CTNNA2: variants seen among roughly 807,000 people sequenced by gnomAD.
CTNNA2 encodes the protein catenin alpha-2.
A neutral mutation model predicts 101.0 loss-of-function variants in CTNNA2; 42 were observed. That is an observed-to-expected ratio of 0.42 (90% CI 0.32 to 0.54). CTNNA2 has a LOEUF of 0.54. Among genes scored for constraint, CTNNA2 ranks in the 20% least tolerant of loss-of-function variants. The pLI is 0.14. For missense variants in CTNNA2, 871 were observed against 1,223.1 expected (o/e 0.71, Z 4.29); for synonymous variants, 450 against 456.4 (o/e 0.99, Z 0.18).
chr2:80,102,884 G>T (rs1475391756), intron 7 of CTNNA2, among the ~76,000 whole-genome samples: 1 of 152,144 alleles, frequency 6.6e-6, no homozygotes, highest in Non-Finnish European at 1.5e-5. Flanking sequence ...TCGTGACGTA[G>T]GCCCTTCCAC....
At chr2:80,401,797 A>C (rs1287048757) in intron 8 of CTNNA2, among the ~76,000 whole-genome samples, 1 of 97,328 alleles carries the variant, frequency 1.0e-5, no homozygotes, top group Admixed American at 1.0e-4. Flanking sequence ...TAAGAGACAG[A>C]AAAAAAAAAA....
chr2:80,626,082 C>T (rs1671653172), intron 18 of CTNNA2, among the ~76,000 whole-genome samples: 5 of 151,900 alleles, frequency 3.3e-5, no homozygotes, highest in Admixed American at 3.3e-4. Flanking sequence ...GGTTATGACA[C>T]ACAAATTGTT....
intron 3 of CTNNA2, among the ~76,000 whole-genome samples, chr2:79,845,632 A>G (rs1198507702): frequency 6.6e-6 from 1 of 152,092 alleles, no homozygotes; most frequent in African/African-American, 2.4e-5. Flanking sequence ...TTGGAAGGAG[A>G]GAAGCCCATC....
At chr2:79,605,172 T>C (rs1677802702) in intron 1 of CTNNA2, among the ~76,000 whole-genome samples, 1 of 152,152 alleles carries the variant, frequency 6.6e-6, no homozygotes, top group African/African-American at 2.4e-5. Context: ...AGACTCAAAC[T>C]AATTCCTAGA....
chr2:79,392,540 A>G (rs1431494921), intron 4 of CTNNA2, among the ~76,000 whole-genome samples: 3 of 152,196 alleles, frequency 2.0e-5, no homozygotes, highest in East Asian at 1.9e-4. Flanking sequence ...ATTTAATCAA[A>G]TATCAGGCCA....
At chr2:79,566,440 G>T (rs532998184) in intron 1 of CTNNA2, among the ~76,000 whole-genome samples, 1 of 152,046 alleles carries the variant, frequency 6.6e-6, no homozygotes, top group Admixed American at 6.6e-5. Flanking sequence ...AGAGAAAAAT[G>T]GAAATTTTTT....
At chr2:80,140,484 C>G (rs1291482029) in intron 7 of CTNNA2, among the ~76,000 whole-genome samples, 1 of 151,088 alleles carries the variant, frequency 6.6e-6, no homozygotes, top group Non-Finnish European at 1.5e-5. Context: ...GTGACAGAAG[C>G]TCTGTCCTAT....
chr2:80,641,808 G>T (rs901121630), intron 18 of CTNNA2, among the ~76,000 whole-genome samples: 15 of 152,026 alleles, frequency 9.9e-5, no homozygotes, highest in African/African-American at 3.4e-4. Flanking sequence ...TATTAATATT[G>T]ATTTTAAAGG....
chr2:80,179,764 A>G (rs1705649405), intron 7 of CTNNA2, among the ~76,000 whole-genome samples: 1 of 152,130 alleles, frequency 6.6e-6, no homozygotes, highest in South Asian at 2.1e-4. Context: ...TTGATTTACT[A>G]TCTTTCTAGG....
chr2:80,122,630 A>G (rs1052419332), intron 7 of CTNNA2, among the ~76,000 whole-genome samples: 10 of 152,180 alleles, frequency 6.6e-5, no homozygotes, highest in African/African-American at 2.2e-4. Context: ...CATGCTTGGC[A>G]GAGGGCTGTG....
At chr2:80,322,874 T>C (rs551585613) in intron 7 of CTNNA2, among the ~76,000 whole-genome samples, 1 of 152,298 alleles carries the variant, frequency 6.6e-6, no homozygotes, top group African/African-American at 2.4e-5. Context: ...ACCTGTGCCA[T>C]GGGCAAAAGA....
rs556121168 is a variant in CTNNA2 at position 79,705,240 on chromosome 2, C to A, written c.103-39147C>A. The stretch of plus-strand genomic sequence containing the variant: ...GTAGTTACCCCCTTATCCCTGGTTT[C>A]ACTTGTAGTGGCTTTGGTTACTTGG... On this transcript the variant is annotated intron_variant, in intron 2 of 18. Coordinates refer to ENST00000402739, the MANE Select transcript of CTNNA2 (RefSeq NM_001282597.3). 5.3e-5 allele frequency among the ~76,000 whole-genome samples: 8 copies of A among 152,236 alleles called. No homozygotes were observed. In the South Asian group the frequency reaches 1.5e-3, roughly 28 times the overall value.
chr2:79,693,621 C>T (rs1298719385), intron 2 of CTNNA2, among the ~76,000 whole-genome samples: 3 of 151,810 alleles, frequency 2.0e-5, no homozygotes, highest in Non-Finnish European at 4.4e-5. Flanking sequence ...GGGTAGGAAT[C>T]GTGTGAGAAG....
intron 6 of CTNNA2, among the ~76,000 whole-genome samples, chr2:79,890,984 C>T (rs377721399): frequency 6.7e-6 from 1 of 150,010 alleles, no homozygotes; most frequent in Non-Finnish European, 1.5e-5. Flanking sequence ...GATATAGTCA[C>T]CCCACAAAGC....
chr2:79,436,072 C>T (rs1678709935), intron 4 of CTNNA2, among the ~76,000 whole-genome samples: 1 of 152,210 alleles, frequency 6.6e-6, no homozygotes, highest in Non-Finnish European at 1.5e-5. Context: ...TGGGGCAGAA[C>T]CAGGAATCTA....
intron 13 of CTNNA2, among the ~76,000 whole-genome samples, chr2:80,579,894 C>T (rs2149714619): frequency 6.6e-6 from 1 of 152,330 alleles, no homozygotes; most frequent in African/African-American, 2.4e-5. Flanking sequence ...GAATGGGCAA[C>T]TACATCATCG....
chr2:79,649,188 G>C (rs565236560), intron 1 of CTNNA2: 1 of 154,332 alleles, frequency 6.5e-6, no homozygotes, highest in African/African-American at 2.4e-5. Context: ...CAGCATTTTT[G>C]TGTCATGTTT....
At chr2:79,271,709 G>A (rs1273305107) in intron 2 of CTNNA2, among the ~76,000 whole-genome samples, 1 of 151,978 alleles carries the variant, frequency 6.6e-6, no homozygotes, top group Non-Finnish European at 1.5e-5. Context: ...TGAGGAAGAA[G>A]GCTACGTCCC....
chr2:80,482,036 G>A (rs1038578547), intron 9 of CTNNA2, among the ~76,000 whole-genome samples: 4 of 151,934 alleles, frequency 2.6e-5, no homozygotes, highest in African/African-American at 9.7e-5. Flanking sequence ...AACAACATAT[G>A]CAAAATGTTA....
Sources: gnomAD v4.1 joint callset for allele counts (sites outside exome capture counted in the v4.1 genomes callset) on GRCh38, gnomAD v4.1.1 for gene constraint, MANE v1.5 for transcripts, NCBI Gene and HGNC (gene_info 2026-07-23, HGNC 2026-07-21) for gene names.